The following TMEM266 variants were observed in gnomAD, a reference collection of about 807,000 sequenced individuals.
TMEM266 encodes the protein Hv1 related protein 1.
Under a neutral mutation model 50.5 loss-of-function variants are expected in TMEM266, and 33 were observed. That is an observed-to-expected ratio of 0.65 (90% CI 0.50 to 0.87). TMEM266 has a LOEUF of 0.87. Ranked by LOEUF, TMEM266 falls within the 40% of genes least tolerant of loss-of-function variation. The pLI, the probability that TMEM266 is intolerant of heterozygous loss-of-function variation, is 0.00. For synonymous variants in TMEM266, 310 were observed against 292.3 expected (o/e 1.06, Z -0.62); for missense variants, 655 against 695.1 (o/e 0.94, Z 0.65).
At chr15:76,078,136 T>C (rs757598721) in intron 1 of TMEM266, among the ~76,000 whole-genome samples, 11 of 152,006 alleles carry the variant, frequency 7.2e-5, no homozygotes, top group Non-Finnish European at 1.3e-4. Flanking sequence ...TGTCGCCGAC[T>C]CTGTCAGGCC....
At chr15:76,097,717 T>A (rs539073717) in intron 1 of TMEM266, among the ~76,000 whole-genome samples, 1 of 152,202 alleles carries the variant, frequency 6.6e-6, no homozygotes, top group South Asian at 2.1e-4. Context: ...GGTACCATTC[T>A]CCCTGTCACT....
rs564344027 is a variant in TMEM266, at chr15:76,200,343, C to G, written c.959-1859C>G. ...CTCTTGGAACTTCAGAACCATCTGC[C>G]TGGCCCCATCACAATCTGAAAGAGC... On this transcript the variant is annotated intron_variant, in intron 9 of 10. Coordinates refer to ENST00000388942, the MANE Select transcript of TMEM266 (RefSeq NM_152335.3). 4.6e-5 allele frequency among the ~76,000 whole-genome samples: 7 copies of G among 152,322 alleles called. No individual in the cohort carries two copies. The East Asian group carries it at 1.4e-3, about 29-fold the overall frequency.
At chr15:76,164,033 A>G (rs1469755704) in intron 5 of TMEM266, among the ~76,000 whole-genome samples, 7 of 152,180 alleles carry the variant, frequency 4.6e-5, no homozygotes, top group Non-Finnish European at 1.0e-4. Context: ...TCCCAGTAGC[A>G]GTCACTCCCC....
intron 1 of TMEM266, among the ~76,000 whole-genome samples, chr15:76,062,334 A>T (rs991229620): frequency 2.0e-5 from 3 of 152,228 alleles, no homozygotes; most frequent in African/African-American, 7.2e-5. Flanking sequence ...TGCCTTGGTC[A>T]ATGTGATTGG....
chr15:76,189,895 A>G (rs543353503), intron 8 of TMEM266, among the ~76,000 whole-genome samples: 1 of 152,284 alleles, frequency 6.6e-6, no homozygotes, highest in African/African-American at 2.4e-5. Context: ...CCCAGCACAG[A>G]GGCAACCAAA....
intron 1 of TMEM266, among the ~76,000 whole-genome samples, chr15:76,085,975 G>A (rs1467283974): frequency 1.3e-5 from 2 of 151,662 alleles, no homozygotes; most frequent in African/African-American, 2.4e-5. Context: ...TTGAACCTGG[G>A]AGGTGGAGGT....
Position 76,192,067 on chromosome 15 carries a change from C to T in TMEM266, c.868C>T (p.Pro290Ser). 2 of 1,485,518 alleles carry T rather than the reference C, an allele frequency of 1.3e-6. No homozygotes were observed. The highest frequency in any genetic ancestry group is 1.3e-5 in the South Asian group (1 of 75,144). The allele number at this position is 1,485,518 out of a possible 1,614,324, so 92.0% of individuals were successfully genotyped here. The stretch of plus-strand genomic sequence containing the variant: ...CCAGGCCCCGCACGTGCTCAGCCAG[C>T]CGCGCAGCCGCTTCAAAGTGTTGGA... The change falls in exon 9 of 11, where the codon CCG becomes TCG. Residue 290 changes from proline to serine, a missense_variant. This residue lies in a region of TMEM266 where 455 missense variants were observed against 401.8 expected (regional missense o/e 1.13). Transcript: ENST00000388942.
At position 76,192,972 on chromosome 15, in the gene TMEM266, C is replaced by A. The variant is rs143601190; in HGVS notation, c.958+815C>A. ...ACCCCAGCTTCATCCAGGAGCCACTCTGCCTTGGCATGCCGTGTCCCCTGC... is the reference window on the plus strand; with the variant it reads ...ACCCCAGCTTCATCCAGGAGCCACTATGCCTTGGCATGCCGTGTCCCCTGC... On this transcript the variant is annotated intron_variant, in intron 9 of 10. Coordinates refer to ENST00000388942, the MANE Select transcript of TMEM266 (RefSeq NM_152335.3). Among the ~76,000 whole-genome samples the A allele has an allele frequency of 4.3e-3, 661 of 152,334 alleles. 5 individuals carry two copies. The highest frequency in any genetic ancestry group is 0.015 in the African/African-American group (620 of 41,594).
At chr15:76,157,070 T>A (rs926445243) in intron 4 of TMEM266, among the ~76,000 whole-genome samples, 4 of 152,222 alleles carry the variant, frequency 2.6e-5, no homozygotes, top group Non-Finnish European at 5.9e-5. Flanking sequence ...GCATTTTTTT[T>A]AATTGCTCCC....
chr15:76,082,830 G>A (rs1006570344), intron 1 of TMEM266, among the ~76,000 whole-genome samples: 4 of 152,114 alleles, frequency 2.6e-5, no homozygotes, highest in East Asian at 1.9e-4. Flanking sequence ...TTAGCTAGGC[G>A]TGGTGGCCAG....
chr15:76,138,201 G>A (rs1030267317), intron 3 of TMEM266, among the ~76,000 whole-genome samples: 1 of 123,398 alleles, frequency 8.1e-6, no homozygotes, highest in African/African-American at 3.1e-5. Context: ...TAGCCTGGGC[G>A]ACAAGAGTAA....
At chr15:76,162,816 C>T (rs1409817585) in intron 5 of TMEM266, among the ~76,000 whole-genome samples, 1 of 152,208 alleles carries the variant, frequency 6.6e-6, no homozygotes, top group Non-Finnish European at 1.5e-5. Flanking sequence ...GCACCCCCTC[C>T]TCAGCTGGGA....
At chr15:76,116,993 G>A (rs147954873) in intron 1 of TMEM266, among the ~76,000 whole-genome samples, 4,461 of 149,576 alleles carry the variant, frequency 0.03, 101 homozygotes, top group Non-Finnish European at 0.049. Flanking sequence ...TCCACCTCCC[G>A]GGTTCCAGCG....
At chr15:76,158,570 G>A (rs2037963337) in intron 4 of TMEM266, among the ~76,000 whole-genome samples, 1 of 152,196 alleles carries the variant, frequency 6.6e-6, no homozygotes, top group African/African-American at 2.4e-5. Flanking sequence ...CCAGGAGATT[G>A]ATTTTGGTCG....
intron 3 of TMEM266, among the ~76,000 whole-genome samples, chr15:76,140,514 C>A (rs568027033): frequency 6.6e-6 from 1 of 152,294 alleles, no homozygotes; most frequent in East Asian, 1.9e-4. Flanking sequence ...TAGGAATGAA[C>A]CTTTTCTGTA....
intron 5 of TMEM266, among the ~76,000 whole-genome samples, chr15:76,166,557 C>T (rs938500259): frequency 6.6e-6 from 1 of 152,188 alleles, no homozygotes; most frequent in Non-Finnish European, 1.5e-5. Context: ...CCATTCAGCC[C>T]CTTTCCTTCC....
intron 5 of TMEM266, among the ~76,000 whole-genome samples, chr15:76,167,792 C>T (rs1229247157): frequency 3.9e-5 from 6 of 152,098 alleles, no homozygotes; most frequent in Admixed American, 6.5e-5. Context: ...TGAGCCATCG[C>T]GCCTGCTTGT....
intron 1 of TMEM266, among the ~76,000 whole-genome samples, chr15:76,125,630 C>T (rs1460900955): frequency 1.3e-5 from 2 of 151,936 alleles, no homozygotes; most frequent in Non-Finnish European, 2.9e-5. Flanking sequence ...GGCAGATCAC[C>T]TGAGGTCAGG....
At chr15:76,093,857 G>A (rs1210619017) in intron 1 of TMEM266, among the ~76,000 whole-genome samples, 4 of 152,004 alleles carry the variant, frequency 2.6e-5, no homozygotes, top group African/African-American at 9.7e-5. Flanking sequence ...GCATTTCTCT[G>A]ATGACCAGTG....
Sources: allele counts gnomAD v4.1 joint callset (sites outside exome capture counted in the v4.1 genomes callset), GRCh38; gene constraint gnomAD v4.1.1; regional missense constraint gnomAD v4.1.1; transcripts MANE v1.5; gene names NCBI Gene and HGNC (gene_info 2026-07-23, HGNC 2026-07-21).